The following MACROD2 variants were observed in gnomAD, a reference collection of about 807,000 sequenced individuals.
MACROD2 encodes mono-ADP ribosylhydrolase 2.
A neutral mutation model predicts 70.4 loss-of-function variants in MACROD2; 36 were observed. The ratio of observed to expected loss-of-function variants is 0.51; its 90% CI spans 0.39 to 0.68. The LOEUF (loss-of-function observed/expected upper bound fraction) is 0.68. Among genes scored for constraint, MACROD2 ranks in the 30% least tolerant of loss-of-function variants. MACROD2 has a pLI of 0.00. For missense variants in MACROD2, 496 were observed against 538.4 expected (o/e 0.92, Z 0.78); for synonymous variants, 172 against 178.8 (o/e 0.96, Z 0.30).
chr20:15,019,262 TGA>T (rs1210328256), intron 5 of MACROD2, among the ~76,000 whole-genome samples: 1 of 152,238 alleles, frequency 6.6e-6, no homozygotes, highest in Non-Finnish European at 1.5e-5. Flanking sequence ...CACAAAGTTA[TGA>T]GCTTCTATTG....
chr20:15,088,451 A>AT (rs1448379757), intron 5 of MACROD2, among the ~76,000 whole-genome samples: 6 of 88,300 alleles, frequency 6.8e-5, no homozygotes, highest in African/African-American at 2.9e-4. Context: ...ATATATATAT[A>AT]ATATTTTGTG....
At chr20:14,798,079 T>C (rs1456563874) in intron 5 of MACROD2, among the ~76,000 whole-genome samples, 1 of 152,094 alleles carries the variant, frequency 6.6e-6, no homozygotes, top group Non-Finnish European at 1.5e-5. Context: ...TAATTAATAA[T>C]GTCAGGCTAT....
chr20:15,196,266 T>TA (rs2076605871), intron 5 of MACROD2, among the ~76,000 whole-genome samples: 2 of 136,398 alleles, frequency 1.5e-5, no homozygotes, highest in Non-Finnish European at 3.2e-5. Flanking sequence ...GATTAAAAAA[T>TA]GAAAAAAAAA....
chr20:15,002,345 A>T (rs2075002658), intron 5 of MACROD2, among the ~76,000 whole-genome samples: 1 of 151,620 alleles, frequency 6.6e-6, no homozygotes, highest in African/African-American at 2.4e-5. Flanking sequence ...TGTGGCTTTG[A>T]TTTGCATTTC....
intron 7 of MACROD2, among the ~76,000 whole-genome samples, chr20:15,464,896 T>G (rs2046865007): frequency 6.6e-6 from 1 of 152,198 alleles, no homozygotes; most frequent in Admixed American, 6.5e-5. Flanking sequence ...GAACTGTGAA[T>G]AGCTCCTGGT....
intron 4 of MACROD2, among the ~76,000 whole-genome samples, chr20:14,504,647 G>C (rs1270076352): frequency 6.6e-6 from 1 of 151,922 alleles, no homozygotes; most frequent in Non-Finnish European, 1.5e-5. Context: ...TTATTTCCTG[G>C]GAATAGAAGA....
At position 14,390,326 on chromosome 20, in the gene MACROD2, A is replaced by G. The variant is rs544916892; in HGVS notation, c.272-103153A>G. Among the ~76,000 whole-genome samples the G allele has an allele frequency of 8.5e-5, 13 of 152,320 alleles. No homozygotes were observed. In the South Asian group the frequency reaches 2.3e-3, roughly 27 times the overall value. ...AAAAAAGACCATACTGCCCAAACCA[A>G]TTTATAGATTCAGTGCCATTTCTAT... On this transcript the variant is annotated intron_variant, in intron 3 of 17. Coordinates refer to ENST00000684519, the MANE Select transcript of MACROD2 (RefSeq NM_001351661.2).
chr20:15,425,701 G>T (rs1336496849), intron 6 of MACROD2, among the ~76,000 whole-genome samples: 1 of 152,172 alleles, frequency 6.6e-6, no homozygotes, highest in Non-Finnish European at 1.5e-5. Flanking sequence ...AAGGTATGCT[G>T]CTTATTTAGG....
intron 4 of MACROD2, among the ~76,000 whole-genome samples, chr20:14,567,664 G>C (rs752116779): frequency 4.6e-5 from 7 of 151,942 alleles, no homozygotes; most frequent in African/African-American, 1.7e-4. Flanking sequence ...AAAGTGTATT[G>C]TCAGCTGACT....
intron 10 of MACROD2, among the ~76,000 whole-genome samples, chr20:15,914,715 T>G (rs2065287533): frequency 6.6e-6 from 1 of 152,152 alleles, no homozygotes; most frequent in South Asian, 2.1e-4. Flanking sequence ...AGCCTTACAC[T>G]ATCTAGAGTG....
intron 4 of MACROD2, among the ~76,000 whole-genome samples, chr20:14,679,740 C>T (rs2070907988): frequency 6.6e-6 from 1 of 151,722 alleles, no homozygotes; most frequent in Non-Finnish European, 1.5e-5. Context: ...CTCCCACACG[C>T]TTTTTTTCAA....
intron 2 of MACROD2, among the ~76,000 whole-genome samples, chr20:14,049,667 C>T (rs1004785971): frequency 3.3e-5 from 5 of 151,700 alleles, no homozygotes; most frequent in Admixed American, 1.3e-4. Context: ...GCAGGAAAAT[C>T]GCTTGAACCC....
chr20:15,150,132 T>G (rs966269143), intron 5 of MACROD2, among the ~76,000 whole-genome samples: 9 of 151,812 alleles, frequency 5.9e-5, no homozygotes, highest in Non-Finnish European at 7.4e-5. Context: ...TATGCCAAGA[T>G]AGGTAACAGA....
chr20:14,547,603 CAG>C (rs1178067866), intron 4 of MACROD2: 2 of 153,872 alleles, frequency 1.3e-5, no homozygotes, highest in Admixed American at 6.5e-5. Context: ...ATACGTGAAG[CAG>C]AGAGATGTCA....
intron 7 of MACROD2, among the ~76,000 whole-genome samples, chr20:15,446,950 C>T (rs1483184393): frequency 2.0e-5 from 3 of 151,802 alleles, no homozygotes; most frequent in Non-Finnish European, 2.9e-5. Context: ...TGATATGCAT[C>T]GAGTGATCCA....
intron 13 of MACROD2, among the ~76,000 whole-genome samples, chr20:15,968,104 C>G (rs2066170535): frequency 6.6e-6 from 1 of 152,046 alleles, no homozygotes. Context: ...CAAAACATGA[C>G]AGTACACATT....
At chr20:15,280,621 T>C (rs543320423) in intron 6 of MACROD2, 1 of 152,210 alleles carries the variant, frequency 6.6e-6, no homozygotes, top group Non-Finnish European at 1.5e-5. Flanking sequence ...ATTAGGATAA[T>C]TTTAATGGTA....
chr20:15,280,386 A>G (rs7268623), intron 6 of MACROD2, among the ~76,000 whole-genome samples: 4,315 of 152,272 alleles, frequency 0.028, 207 homozygotes, highest in African/African-American at 0.098. Flanking sequence ...TCTTATATTC[A>G]TTCTGCAGAC....
chr20:14,432,160 A>C lies in MACROD2; in HGVS notation c.272-61319A>C, dbSNP rs192775557. 1.2e-4 allele frequency among the ~76,000 whole-genome samples: 19 copies of C among 152,234 alleles called. No homozygotes were observed. The East Asian group carries it at 3.7e-3, about 29-fold the overall frequency. The stretch of plus-strand genomic sequence containing the variant: ...TGTGCTCGCCTGCTGTTATCACGGC[A>C]CTTCCCCTTGCTCTAGCCATGCTGT... On this transcript the variant is annotated intron_variant, in intron 3 of 17. Coordinates refer to ENST00000684519, the MANE Select transcript of MACROD2 (RefSeq NM_001351661.2).
Sources: gnomAD v4.1 joint callset for allele counts (sites outside exome capture counted in the v4.1 genomes callset) on GRCh38, gnomAD v4.1.1 for gene constraint, MANE v1.5 for transcripts, NCBI Gene and HGNC (gene_info 2026-07-23, HGNC 2026-07-21) for gene names.